DOCK5: variants seen among roughly 807,000 people sequenced by gnomAD.
The protein encoded by DOCK5 is dedicator of cytokinesis 5, also known as dedicator of cytokinesis protein 5.
Under a neutral mutation model 251.8 loss-of-function variants are expected in DOCK5, and 142 were observed. The ratio of observed to expected loss-of-function variants is 0.56; its 90% CI spans 0.49 to 0.65. The LOEUF is 0.65. Ranked by LOEUF, DOCK5 falls within the 30% of genes least tolerant of loss-of-function variation. The pLI is 0.00. For missense variants in DOCK5, 2,111 were observed against 2,312.3 expected (o/e 0.91, Z 1.79); for synonymous variants, 842 against 835.5 (o/e 1.01, Z -0.13).
chr8:25,334,331 C>A, intron 21 of DOCK5, 135 bp downstream of exon 21: 1 of 706,430 alleles, frequency 1.4e-6, no homozygotes, highest in South Asian at 1.8e-5. Context: ...TTATTCTAAG[C>A]TTCCGGGTGG....
chr8:25,306,538 C>CA lies in DOCK5; in HGVS notation c.1049+2217dup, dbSNP rs936846489. Among the ~76,000 whole-genome samples, 17 of 151,878 alleles carry CA rather than the reference C, an allele frequency of 1.1e-4. No individual in the cohort carries two copies. In the South Asian group the frequency reaches 1.9e-3, roughly 17 times the overall value. ...TGAAACCCTGTCTCTACTAAAAATA[C>CA]AAAAAATTATCTGGGCACAGTGGCG... On this transcript the variant is annotated intron_variant, in intron 11 of 51. Coordinates refer to ENST00000276440, the MANE Select transcript of DOCK5 (RefSeq NM_024940.8).
At chr8:25,257,531 G>C (rs916768869) in intron 2 of DOCK5, among the ~76,000 whole-genome samples, 11 of 152,098 alleles carry the variant, frequency 7.2e-5, no homozygotes, top group African/African-American at 2.7e-4. Flanking sequence ...GGGTTGTTTT[G>C]CTTTTGAAAT....
intron 26 of DOCK5, 77 bp from the exon 27 acceptor site, chr8:25,351,654 A>T (rs1349888115): frequency 5.2e-6 from 6 of 1,142,904 alleles, no homozygotes; most frequent in African/African-American, 1.5e-5. Flanking sequence ...TAAAGACAAA[A>T]CTCATCTATC....
rs779932208 is a variant in DOCK5, at chr8:25,299,043, G to C, written c.706G>C (p.Gly236Arg). The C allele has an allele frequency of 6.2e-7, 1 of 1,613,724 alleles. No individual in the cohort carries two copies. The highest frequency in any genetic ancestry group is 2.2e-5 in the East Asian group (1 of 44,858). Reference sequence around the variant, plus strand: ...CTTCAAGAACTTTGTCTGCAACATCGGGGAAGATGCAGAGTTGTTTATGGC... The same window carrying C: ...CTTCAAGAACTTTGTCTGCAACATCCGGGAAGATGCAGAGTTGTTTATGGC... ...VNFKNFVCNI[G>R]EDAELFMALY... The change falls in exon 8 of 52, where the codon GGG (glycine) becomes CGG (arginine). Residue 236 changes from glycine (G) to arginine (R), a missense_variant. This residue lies in a region of DOCK5 where 335 missense variants were observed against 324.9 expected (regional missense o/e 1.03). Transcript: ENST00000276440.
chr8:25,340,751 C>A, intron 22 of DOCK5, 126 bp from the exon 23 acceptor site: 2 of 762,094 alleles, frequency 2.6e-6, no homozygotes, highest in Admixed American at 2.5e-5. Context: ...ATGACTGGGG[C>A]TTAATTAGGT....
At chr8:25,355,893 A>C (rs541980367) in intron 27 of DOCK5, among the ~76,000 whole-genome samples, 1 of 152,268 alleles carries the variant, frequency 6.6e-6, no homozygotes, top group Non-Finnish European at 1.5e-5. Context: ...ATAAATAGCC[A>C]AATAGAAATA....
intron 51 of DOCK5, 33 bp from the exon 52 acceptor site, chr8:25,411,161 C>A (rs768154891): frequency 5.3e-6 from 8 of 1,508,474 alleles, no homozygotes; most frequent in Admixed American, 2.4e-5. Context: ...AAAGCTAAGA[C>A]CTGCTTCTAA....
intron 16 of DOCK5, among the ~76,000 whole-genome samples, chr8:25,322,408 G>A (rs1053274032): frequency 2.0e-5 from 3 of 152,232 alleles, no homozygotes. Flanking sequence ...CCAGTGAAGG[G>A]TGATGGGAGA....
At chr8:25,404,328 G>T (rs1563233075) in intron 48 of DOCK5, among the ~76,000 whole-genome samples, 1 of 152,014 alleles carries the variant, frequency 6.6e-6, no homozygotes, top group Non-Finnish European at 1.5e-5. Context: ...CCCTCTTTAT[G>T]CTTTCTGTAG....
chr8:25,330,341 A>G (rs6557834), intron 18 of DOCK5, among the ~76,000 whole-genome samples: 16,433 of 152,210 alleles, frequency 0.11, 1,979 homozygotes, highest in African/African-American at 0.3. Context: ...GTACTAAGGC[A>G]AGATAAAAGA....
intron 1 of DOCK5, among the ~76,000 whole-genome samples, chr8:25,203,503 T>G (rs1166758505): frequency 6.6e-6 from 1 of 152,232 alleles, no homozygotes; most frequent in Non-Finnish European, 1.5e-5. Context: ...GAATCCGTCT[T>G]ATATTTTCTT....
chr8:25,317,995 C>T (rs952008238), intron 14 of DOCK5, among the ~76,000 whole-genome samples: 15 of 152,184 alleles, frequency 9.9e-5, no homozygotes, highest in African/African-American at 3.6e-4. Context: ...GAGTTAGTGG[C>T]AGAGCTGGGA....
chr8:25,275,431 G>A lies in DOCK5; in HGVS notation c.214G>A (p.Glu72Lys). Residue 72 changes from glutamate to lysine, a missense_variant, in exon 4 of 52, where the codon GAA becomes AAA. Around this residue, in one of 3 missense-constraint regions of DOCK5, gnomAD observed 335 missense variants for 324.9 expected, o/e 1.03. Transcript: ENST00000276440. The stretch of plus-strand genomic sequence containing the variant: ...TATCCATTTGAAAGAGGCAACTGTG[G>A]AAGACCTGGGGTAAGTTCCAAGCTA... ...TYIHLKEATV[E>K]DLGQHETVIP... 1 of 1,610,218 alleles carries A rather than the reference G, an allele frequency of 6.2e-7. No homozygotes were observed.
chr8:25,275,506 TC>T, intron 4 of DOCK5, 65 bp downstream of exon 4: 1 of 1,484,786 alleles, frequency 6.7e-7, no homozygotes, highest in Non-Finnish European at 9.3e-7. Context: ...TTAATGATAA[TC>T]TTTAGGCATT....
At chr8:25,363,278 C>T in intron 29 of DOCK5, 137 bp downstream of exon 29, 2 of 715,132 alleles carry the variant, frequency 2.8e-6, no homozygotes, top group Non-Finnish European at 4.7e-6. Context: ...CTCCAGAGGT[C>T]CTAATTTATG....
intron 2 of DOCK5, among the ~76,000 whole-genome samples, chr8:25,253,618 T>A (rs1291966387): frequency 6.6e-6 from 1 of 152,174 alleles, no homozygotes; most frequent in East Asian, 1.9e-4. Context: ...TAAAATTGAT[T>A]GAGGGCAAAT....
At chr8:25,208,946 G>A (rs759914217) in intron 1 of DOCK5, among the ~76,000 whole-genome samples, 28 of 152,140 alleles carry the variant, frequency 1.8e-4, no homozygotes, top group Non-Finnish European at 3.4e-4. Context: ...AGCAGAGCTG[G>A]TTTGGAATTC....
rs1171810052 is a variant in DOCK5, at chr8:25,377,300, T to G, written c.3817-5T>G. 1.2e-6 allele frequency: 2 copies of G among 1,605,750 alleles called. No individual in the cohort carries two copies. Among genetic ancestry groups the G allele is most frequent in the Non-Finnish European group, 8.5e-7 (1 of 1,176,758 alleles). On this transcript the variant is annotated splice_polypyrimidine_tract_variant and splice_region_variant and intron_variant, in intron 37 of 51. Coordinates refer to ENST00000276440, the MANE Select transcript of DOCK5 (RefSeq NM_024940.8). ...TAACCGTGTGTCGCTTTTCTTCCTTTTCAGTGGTCTGACAAGCCCTGTGTG... is the reference window on the plus strand; with the variant it reads ...TAACCGTGTGTCGCTTTTCTTCCTTGTCAGTGGTCTGACAAGCCCTGTGTG...
At chr8:25,364,875 A>T in intron 30 of DOCK5, 171 bp downstream of exon 30, 1 of 513,536 alleles carries the variant, frequency 1.9e-6, no homozygotes, top group South Asian at 3.1e-5. Flanking sequence ...TCCAAACACA[A>T]CAAAATAGGG....
Sources: allele counts gnomAD v4.1 joint callset (sites outside exome capture counted in the v4.1 genomes callset), GRCh38; gene constraint gnomAD v4.1.1; regional missense constraint gnomAD v4.1.1; transcripts MANE v1.5; gene names NCBI Gene and HGNC (gene_info 2026-07-23, HGNC 2026-07-21).